The following CAMK2B variants were observed in gnomAD, a reference collection of about 807,000 sequenced individuals.
CAMK2B encodes the protein calcium/calmodulin dependent protein kinase II beta.
CAMK2B carries 27 observed loss-of-function variants against 93.7 expected under a neutral mutation model. That is an observed-to-expected ratio of 0.29 (90% CI 0.21 to 0.40). The LOEUF is 0.40. Ranked by LOEUF, CAMK2B falls within the 10% of genes least tolerant of loss-of-function variation. CAMK2B has a pLI of 1.00. For synonymous variants in CAMK2B, 374 were observed against 358.8 expected (o/e 1.04, Z -0.48); for missense variants, 568 against 895.8 (o/e 0.63, Z 4.67).
chr7:44,320,018 G>C (rs576723730), intron 1 of CAMK2B, among the ~76,000 whole-genome samples: 1 of 152,232 alleles, frequency 6.6e-6, no homozygotes, highest in South Asian at 2.1e-4. Context: ...TGGAGAGTGA[G>C]GGAACTTGAG....
intron 2 of CAMK2B, among the ~76,000 whole-genome samples, chr7:44,263,268 G>C (rs2096895607): frequency 6.6e-6 from 1 of 152,244 alleles, no homozygotes; most frequent in Non-Finnish European, 1.5e-5. Flanking sequence ...GCTTGTGTTT[G>C]GGATGGGTGG....
chr7:44,262,095 A>C (rs76006483), intron 3 of CAMK2B, among the ~76,000 whole-genome samples: 3,066 of 152,312 alleles, frequency 0.02, 99 homozygotes, highest in Middle Eastern at 0.075. Flanking sequence ...AGGTGGTTCC[A>C]GCCCCCTAAA....
At chr7:44,242,539 G>C (rs1490368079) in intron 9 of CAMK2B, 21 bp downstream of exon 9, 1 of 1,587,354 alleles carries the variant, frequency 6.3e-7, no homozygotes, top group Admixed American at 1.7e-5. Flanking sequence ...GAGCTCATCA[G>C]AGAGGGGCTG....
intron 2 of CAMK2B, among the ~76,000 whole-genome samples, chr7:44,280,569 T>C (rs1318422404): frequency 2.0e-5 from 3 of 152,182 alleles, no homozygotes; most frequent in Non-Finnish European, 1.5e-5. Flanking sequence ...CCTAAGCTAA[T>C]AAATTTGCAC....
intron 2 of CAMK2B, among the ~76,000 whole-genome samples, chr7:44,274,503 G>T (rs1219547542): frequency 6.6e-6 from 1 of 152,144 alleles, no homozygotes; most frequent in African/African-American, 2.4e-5. Context: ...CGCACCTTTC[G>T]GGCTTCCCCG....
At chr7:44,270,634 G>A (rs2096966088) in intron 2 of CAMK2B, among the ~76,000 whole-genome samples, 1 of 152,238 alleles carries the variant, frequency 6.6e-6, no homozygotes, top group South Asian at 2.1e-4. Context: ...CCACTCGGGG[G>A]CCTCAGTTTC....
chr7:44,325,712 C>T (rs1400426828), upstream of CAMK2B: 1 of 140,108 alleles, frequency 7.1e-6, no homozygotes, highest in Non-Finnish European at 1.6e-5. Context: ...CACGCGCCTT[C>T]CCCGCGCCCT....
At chr7:44,318,112 C>G (rs1795251145) in intron 1 of CAMK2B, among the ~76,000 whole-genome samples, 1 of 152,148 alleles carries the variant, frequency 6.6e-6, no homozygotes, top group Admixed American at 6.5e-5. Context: ...CCCAGAAAGC[C>G]CCTAACTAAT....
intron 12 of CAMK2B, 118 bp downstream of exon 12, chr7:44,240,589 G>A (rs578184633): frequency 1.0e-5 from 12 of 1,167,046 alleles, no homozygotes; most frequent in South Asian, 6.6e-5. Flanking sequence ...GAGGGCAGAC[G>A]CCGAGGGCAG....
At chr7:44,240,591 C>T (rs1028948481) in intron 12 of CAMK2B, 116 bp downstream of exon 12, 3 of 1,209,900 alleles carry the variant, frequency 2.5e-6, no homozygotes, top group Non-Finnish European at 3.6e-6. Context: ...GGGCAGACGC[C>T]GAGGGCAGGC....
chr7:44,313,524 G>A (rs983219917), intron 1 of CAMK2B, among the ~76,000 whole-genome samples: 6 of 151,688 alleles, frequency 4.0e-5, no homozygotes, highest in South Asian at 2.1e-4. Flanking sequence ...AGGCCCAGAC[G>A]TGGGGTGAGG....
intron 5 of CAMK2B, among the ~76,000 whole-genome samples, chr7:44,253,787 G>A (rs955156578): frequency 5.3e-5 from 8 of 152,000 alleles, no homozygotes. Context: ...TGGTAGAGAG[G>A]GGGTCTCATT....
Position 44,226,587 on chromosome 7 carries a change from G to A in CAMK2B, c.1526C>T (p.Ala509Val). 6.6e-7 allele frequency: 1 copy of A among 1,504,448 alleles called. No homozygotes were observed. The highest frequency in any genetic ancestry group is 8.8e-7 in the Non-Finnish European group (1 of 1,135,070). The allele number at this position is 1,504,448 out of a possible 1,614,324, so 93.2% of individuals were successfully genotyped here. A position where few individuals can be genotyped will look rare whatever the true frequency, so the allele number is the denominator to read the frequency against. ...GGGCCCCACTGGCGAGGGGCCCTCG[G>A]CTTCTGGGGTCCCTGAGCCCCTCCT... is the stretch of plus-strand genomic sequence containing the variant. The part of the protein sequence containing the change: ...SVRRGSGTPE[A>V]EGPSPVGPPP... The change falls in exon 20 of 24, where the codon GCC becomes GTC. Residue 509 changes from alanine (A) to valine (V), a missense_variant. By Grantham distance (64) the Ala-to-Val change is moderately conservative (BLOSUM62 0). Coordinates refer to ENST00000395749, the MANE Select transcript of CAMK2B (RefSeq NM_001220.5).
At chr7:44,320,111 C>T (rs1795728102) in intron 1 of CAMK2B, among the ~76,000 whole-genome samples, 1 of 152,226 alleles carries the variant, frequency 6.6e-6, no homozygotes, top group South Asian at 2.1e-4. Flanking sequence ...TTTACAAGAT[C>T]ATATTGCCCT....
intron 13 of CAMK2B, among the ~76,000 whole-genome samples, chr7:44,236,881 G>C (rs2096631053): frequency 1.3e-5 from 2 of 152,188 alleles, no homozygotes; most frequent in South Asian, 4.1e-4. Context: ...GCTCCTCCTA[G>C]GAGCCTGAGG....
chr7:44,325,397 G>A lies in CAMK2B; in HGVS notation c.25C>T (p.Arg9Cys). The A allele has an allele frequency of 8.2e-7, 1 of 1,221,586 alleles. No individual in the cohort carries two copies. 75.7% of individuals were successfully genotyped at this position (1,221,586 alleles called of 1,614,324 possible). The stretch of plus-strand genomic sequence containing the variant: ...TAGAGCTGGTACTCGTCGGTGAAGC[G>A]GGTGCAGGTCACCGTGGTGGCCATG... MATTVTCT[R>C]FTDEYQLYED... is the part of the protein sequence containing the mutation. The change falls in exon 1 of 24, where the codon CGC becomes TGC. Residue 9 changes from arginine (R) to cysteine (C), a missense_variant. Arg to Cys is a radical substitution (Grantham distance 180, BLOSUM62 -3). Transcript: ENST00000395749.
At chr7:44,268,654 T>A (rs2096942011) in intron 2 of CAMK2B, 2 of 152,354 alleles carry the variant, frequency 1.3e-5, no homozygotes, top group South Asian at 4.1e-4. Flanking sequence ...CATTCCCAGA[T>A]CCACAGGACC....
rs554119937 is a variant in CAMK2B, at chr7:44,242,590, C to T, written c.666G>A (p.Leu222=). ...PPFWDEDQHK[L]YQQIKAGAYD... ...AGGCACCAGCCTTGATCTGCTGGTACAGCTTGTGCTGGTCCTCGTCCCAGA... is the reference window on the plus strand; with the variant it reads ...AGGCACCAGCCTTGATCTGCTGGTATAGCTTGTGCTGGTCCTCGTCCCAGA... Residue 222 remains leucine (L), a synonymous_variant, in exon 9 of 24, where the codon CTG becomes CTA. Coordinates refer to ENST00000395749, the MANE Select transcript of CAMK2B (RefSeq NM_001220.5). The T allele has an allele frequency of 1.2e-6, 2 of 1,612,066 alleles. No homozygotes were observed. Among genetic ancestry groups the T allele is most frequent in the East Asian group, 2.2e-5 (1 of 44,860 alleles).
intron 1 of CAMK2B, among the ~76,000 whole-genome samples, chr7:44,306,895 A>AGGG (rs1791798410): frequency 8.2e-6 from 1 of 121,596 alleles, no homozygotes; most frequent in Admixed American, 8.8e-5. Context: ...GGGTGTGAGC[A>AGGG]GGAAGACGGT....
Sources: gnomAD v4.1 joint callset for allele counts (sites outside exome capture counted in the v4.1 genomes callset) on GRCh38, gnomAD v4.1.1 for gene constraint, MANE v1.5 for transcripts, NCBI Gene and HGNC (gene_info 2026-07-23, HGNC 2026-07-21) for gene names.